PRDM1: variants seen among roughly 807,000 people sequenced by gnomAD.
The protein encoded by PRDM1 is PR domain zinc finger protein 1.
A neutral mutation model predicts 62.8 loss-of-function variants in PRDM1; 13 were observed. The observed-to-expected ratio is 0.21, with a 90% CI of 0.13 to 0.33. The LOEUF is 0.33. PRDM1 is among the 10% of genes least tolerant of loss of function. PRDM1 has a pLI of 1.00. For synonymous variants in PRDM1, 396 were observed against 417.6 expected, an observed-to-expected ratio of 0.95 and a Z score of 0.63; for missense variants, 895 against 1,058.8, an observed-to-expected ratio of 0.85 and a Z score of 2.15.
chr6:106,107,560 G>C lies in PRDM1; in HGVS notation c.*74G>C, dbSNP rs563176253. The C allele has an allele frequency of 4.5e-6, 6 of 1,335,396 alleles. No individual in the cohort carries two copies. In the Admixed American group the frequency reaches 6.8e-5, roughly 15 times the overall value. The allele number at this position is 1,335,396 out of a possible 1,614,324, so 82.7% of individuals were successfully genotyped here. ...TCAGGGTGCCTGTAGGAAGTGGCTT[G>C]TACATAATCCCAGCTCTGCAAAGCT... On this transcript the variant is annotated 3_prime_UTR_variant, in exon 7 of 7. Coordinates refer to ENST00000369096, the MANE Select transcript of PRDM1 (RefSeq NM_001198.4).
chr6:106,052,966 CA>C (rs965906664), intron 1 of PRDM1, among the ~76,000 whole-genome samples: 59 of 139,922 alleles, frequency 4.2e-4, no homozygotes, highest in Admixed American at 1.4e-3. Context: ...GACTCTATCT[CA>C]AAAAAAAAAA....
In PRDM1 at chr6:106,105,810, TAAAAACAAA is replaced by T; in HGVS notation, c.1652_1660del (p.Lys551_Lys553del). 1 of 1,614,092 alleles carries T rather than the reference TAAAAACAAA, an allele frequency of 6.2e-7. No individual in the cohort carries two copies. Among genetic ancestry groups the T allele is most frequent in the South Asian group, 1.1e-5 (1 of 91,078 alleles). On this transcript the variant is annotated inframe_deletion, in exon 5 of 7. Coordinates refer to ENST00000369096, the MANE Select transcript of PRDM1 (RefSeq NM_001198.4). ...GCAGCGACGAAGCCATGAATCTCAT[TAAAAACAAA>T]AGAAACATGACCGGCTACAAGACCC...
upstream of PRDM1, chr6:106,045,368 C>G (rs1227606979): frequency 6.6e-6 from 1 of 152,052 alleles, no homozygotes; most frequent in Non-Finnish European, 1.5e-5. Flanking sequence ...AAAATAGTTT[C>G]ATATTAGACT....
At chr6:106,037,893 G>T (rs560498780) in intron 1 of PRDM1, among the ~76,000 whole-genome samples, 1 of 151,292 alleles carries the variant, frequency 6.6e-6, no homozygotes, top group South Asian at 2.1e-4. Flanking sequence ...TTTTGAATAG[G>T]CCACAGTTTC....
In PRDM1 at chr6:106,109,139, T is replaced by G; in HGVS notation, c.*1653T>G. The G allele has an allele frequency of 4.6e-6, 1 of 216,788 alleles. No individual in the cohort carries two copies. The highest frequency in any genetic ancestry group is 9.3e-6 in the Non-Finnish European group (1 of 107,950). 13.4% of individuals were successfully genotyped at this position (216,788 alleles called of 1,614,324 possible). On this transcript the variant is annotated 3_prime_UTR_variant, in exon 7 of 7. Coordinates refer to ENST00000369096, the MANE Select transcript of PRDM1 (RefSeq NM_001198.4). ...GAACACTCCTTTCTGAGACTTTGCTTAATACTTGGTGACCTCACAATCACG... is the reference window on the plus strand; with the variant it reads ...GAACACTCCTTTCTGAGACTTTGCTGAATACTTGGTGACCTCACAATCACG...
rs146557915 is a variant in PRDM1, at chr6:106,099,527, C to T, written c.639C>T (p.Pro213=). 98 of 1,613,982 alleles carry T rather than the reference C, an allele frequency of 6.1e-5. No individual in the cohort carries two copies. The highest frequency in any genetic ancestry group is 1.6e-4 in the Middle Eastern group (1 of 6,062). The stretch of plus-strand genomic sequence containing the variant: ...CAGAAAGGCTTCACTACCCTTATCC[C>T]GGAGAGCTGACAATGATGAATCTCA... ...DFAERLHYPY[P]GELTMMNLTQ... is the part of the protein sequence containing the mutation. The change falls in exon 4 of 7, where the codon CCC becomes CCT. Residue 213 remains proline, a synonymous_variant. Coordinates refer to ENST00000369096, the MANE Select transcript of PRDM1 (RefSeq NM_001198.4).
rs544597002 is a variant in PRDM1, at chr6:106,066,112, G to A, written c.-67+17398G>A. 2.4e-4 allele frequency among the ~76,000 whole-genome samples: 37 copies of A among 152,298 alleles called. No individual in the cohort carries two copies. In the South Asian group the frequency reaches 7.7e-3, roughly 32 times the overall value. On this transcript the variant is annotated intron_variant, in intron 1 of 6. Transcript: ENST00000651185. ...CAGCCGCCCTGCCTAACCACCCATT[G>A]TCTATGGTTTCCGCTTGCTCCTTCC...
Position 106,025,436 on chromosome 6 carries a change from G to T in PRDM1, c.-67+31797G>T, listed in dbSNP as rs116600834. On this transcript the variant is annotated intron_variant, in intron 1 of 6. Transcript: ENST00000652320. ...TGATTTTCCTCAGGTTGAATATCTGGCAATATTTTAAAAAATATTTAATTA... is the reference window on the plus strand; with the variant it reads ...TGATTTTCCTCAGGTTGAATATCTGTCAATATTTTAAAAAATATTTAATTA... Among the ~76,000 whole-genome samples, 899 of 152,222 alleles carry T rather than the reference G, an allele frequency of 5.9e-3. 16 individuals carry two copies. The highest frequency in any genetic ancestry group is 0.02 in the African/African-American group (850 of 41,536).
At chr6:106,034,851 TGAAC>T (rs1345700364) in intron 1 of PRDM1, among the ~76,000 whole-genome samples, 2 of 151,878 alleles carry the variant, frequency 1.3e-5, no homozygotes, top group Non-Finnish European at 2.9e-5. Context: ...AGGCTGGTCT[TGAAC>T]TCCTGACCTC....
chr6:106,068,630 AC>A (rs1773469432), intron 1 of PRDM1, among the ~76,000 whole-genome samples: 1 of 152,200 alleles, frequency 6.6e-6, no homozygotes, highest in Non-Finnish European at 1.5e-5. Context: ...GAACGTTGTT[AC>A]CACAAGCTGT....
intron 1 of PRDM1, among the ~76,000 whole-genome samples, chr6:106,063,093 C>T (rs1332091186): frequency 6.6e-6 from 1 of 152,176 alleles, no homozygotes; most frequent in Non-Finnish European, 1.5e-5. Flanking sequence ...CTGCTCAGCT[C>T]TTAAAACTTC....
intron 2 of PRDM1, among the ~76,000 whole-genome samples, chr6:106,090,300 C>T (rs751694084): frequency 4.6e-5 from 7 of 152,114 alleles, no homozygotes; most frequent in Non-Finnish European, 1.0e-4. Flanking sequence ...TATTAAGCAA[C>T]CAAAAAACAG....
At chr6:106,095,449 A>G (rs922926380) in intron 2 of PRDM1, among the ~76,000 whole-genome samples, 166 bp from the exon 3 acceptor site, 33 of 152,318 alleles carry the variant, frequency 2.2e-4, no homozygotes, top group Middle Eastern at 3.4e-3. Flanking sequence ...GTCTCCCCCT[A>G]TGGTGAAGCT....
At chr6:106,009,795 G>T (rs1037525178) in intron 1 of PRDM1, among the ~76,000 whole-genome samples, 1 of 152,054 alleles carries the variant, frequency 6.6e-6, no homozygotes, top group Non-Finnish European at 1.5e-5. Flanking sequence ...TCAGCTCACT[G>T]CAACCTCTGC....
At chr6:106,062,233 G>A (rs1393018663) in intron 1 of PRDM1, among the ~76,000 whole-genome samples, 6 of 152,036 alleles carry the variant, frequency 3.9e-5, no homozygotes, top group Admixed American at 6.5e-5. Flanking sequence ...TTTACTATAC[G>A]GGAACAGATC....
intron 1 of PRDM1, among the ~76,000 whole-genome samples, chr6:106,063,292 A>G (rs1325782147): frequency 6.6e-6 from 1 of 152,170 alleles, no homozygotes; most frequent in Non-Finnish European, 1.5e-5. Flanking sequence ...AGCACCAACT[A>G]GTATGGTCTA....
At chr6:106,014,754 A>AT (rs902490377) in intron 1 of PRDM1, among the ~76,000 whole-genome samples, 15 of 150,768 alleles carry the variant, frequency 9.9e-5, no homozygotes, top group African/African-American at 1.5e-4. Context: ...GATAGAACAC[A>AT]TTTTTTTTTA....
At position 106,105,832 on chromosome 6, in the gene PRDM1, G is replaced by C. The variant is rs753053806; in HGVS notation, c.1672G>C (p.Gly558Arg). 6.2e-7 allele frequency: 1 copy of C among 1,614,176 alleles called. No individual in the cohort carries two copies. The highest frequency in any genetic ancestry group is 1.1e-5 in the South Asian group (1 of 91,086). The part of the protein sequence containing the change: ...NLIKNKRNMT[G>R]YKTLPYPLKK... Reference sequence around the variant, plus strand: ...CATTAAAAACAAAAGAAACATGACCGGCTACAAGACCCTTCCCTACCCGCT... The same window carrying C: ...CATTAAAAACAAAAGAAACATGACCCGCTACAAGACCCTTCCCTACCCGCT... The change falls in exon 5 of 7, where the codon GGC becomes CGC. Residue 558 changes from glycine to arginine, a missense_variant. By Grantham distance (125) the Gly-to-Arg change is moderately radical. Coordinates refer to ENST00000369096, the MANE Select transcript of PRDM1 (RefSeq NM_001198.4).
chr6:106,038,034 T>TTTTTTTTTTTTTTTA (rs71006667), intron 1 of PRDM1, among the ~76,000 whole-genome samples: 2 of 133,330 alleles, frequency 1.5e-5, no homozygotes, highest in African/African-American at 2.8e-5. Flanking sequence ...TTTTTTTTTT[T>TTTTTTTTTTTTTTTA]GAGACAGAGT....
Sources: gnomAD v4.1 joint callset for allele counts (sites outside exome capture counted in the v4.1 genomes callset) on GRCh38, gnomAD v4.1.1 for gene constraint, MANE v1.5 for transcripts, NCBI Gene and HGNC (gene_info 2026-07-23, HGNC 2026-07-21) for gene names.